The following DOCK8 variants were observed in gnomAD, a reference collection of about 807,000 sequenced individuals.
DOCK8 encodes the protein dedicator of cytokinesis protein 8.
DOCK8 carries 141 observed loss-of-function variants against 245.6 expected under a neutral mutation model. The observed-to-expected ratio is 0.57, with a 90% CI of 0.50 to 0.66. The LOEUF is 0.66. Among genes scored for constraint, DOCK8 ranks in the 30% least tolerant of loss-of-function variants. The pLI is 0.00. For synonymous variants in DOCK8, 1,168 were observed against 970.2 expected (o/e 1.20, Z -3.79); for missense variants, 2,965 against 2,603.4 (o/e 1.14, Z -3.02).
chr9:429,769 A>G lies in DOCK8; in HGVS notation c.4541A>G (p.His1514Arg), dbSNP rs766980434. The change falls in exon 36 of 48, where the codon CAC becomes CGC. Residue 1514 changes from histidine (H) to arginine (R), a missense_variant. This residue lies in a region of DOCK8 where 2,825 missense variants were observed against 2,453.5 expected (regional missense o/e 1.15). Coordinates refer to ENST00000432829, the MANE Select transcript of DOCK8 (RefSeq NM_203447.4). ...CFDLCHQVLH[H>R]CSSSMDVTRS... Reference sequence around the variant, plus strand: ...GACCTATGTCACCAAGTCCTGCACCACTGCAGCAGCAGCATGGATGTCACC... The same window carrying G: ...GACCTATGTCACCAAGTCCTGCACCGCTGCAGCAGCAGCATGGATGTCACC... 1.9e-6 allele frequency: 3 copies of G among 1,614,184 alleles called. No individual in the cohort carries two copies. Among genetic ancestry groups the G allele is most frequent in the Non-Finnish European group, 2.5e-6 (3 of 1,180,040 alleles).
At chr9:441,725 C>A in intron 41 of DOCK8, 150 bp from the exon 42 acceptor site, 1 of 1,005,228 alleles carries the variant, frequency 9.9e-7, no homozygotes, top group Non-Finnish European at 1.5e-6. Flanking sequence ...ATTCCATAAG[C>A]ATTAAATTTT....
At chr9:457,743 G>T (rs111381216) in intron 46 of DOCK8, among the ~76,000 whole-genome samples, 25 of 152,164 alleles carry the variant, frequency 1.6e-4, no homozygotes, top group African/African-American at 6.0e-4. Flanking sequence ...TTCTCATATT[G>T]TACAAATAGT....
chr9:464,150 T>A lies in DOCK8; in HGVS notation c.6240-9T>A. The A allele has an allele frequency of 6.2e-7, 1 of 1,611,434 alleles. No individual in the cohort carries two copies. The highest frequency in any genetic ancestry group is 1.1e-5 in the South Asian group (1 of 91,030). ...TTTCCCTCTCCTCCCTCTCTTTTCT[T>A]AATTTCAGGGACTCCTTCCACAGAT... On this transcript the variant is annotated splice_polypyrimidine_tract_variant and intron_variant, in intron 47 of 47. Transcript: ENST00000432829.
chr9:342,153 G>GC (rs1327328601), intron 14 of DOCK8, among the ~76,000 whole-genome samples: 2 of 152,022 alleles, frequency 1.3e-5, no homozygotes, highest in East Asian at 3.9e-4. Context: ...ACCATCCCCT[G>GC]CCCCCCGCTG....
At chr9:367,981 G>T in intron 14 of DOCK8, 37 bp from the exon 15 acceptor site, 1 of 1,529,192 alleles carries the variant, frequency 6.5e-7, no homozygotes, top group South Asian at 1.1e-5. Flanking sequence ...ATAAACTCTA[G>T]ACCTTTTTCA....
chr9:420,972 C>T lies in DOCK8; in HGVS notation c.4047C>T (p.Val1349=), dbSNP rs924895553. The T allele has an allele frequency of 1.2e-6, 2 of 1,614,202 alleles. No individual in the cohort carries two copies. Among genetic ancestry groups the T allele is most frequent in the Non-Finnish European group, 1.7e-6 (2 of 1,180,034 alleles). ...EYKGKQSSDK[V]STQVLQKSRD... ...AGGGAAAACAGAGTTCTGACAAAGTCAGTACCCAAGTCCTGCAGAAGTCAA... is the reference window on the plus strand; with the variant it reads ...AGGGAAAACAGAGTTCTGACAAAGTTAGTACCCAAGTCCTGCAGAAGTCAA... The change falls in exon 32 of 48, where the codon GTC becomes GTT. Residue 1349 remains valine, a synonymous_variant. Coordinates refer to ENST00000432829, the MANE Select transcript of DOCK8 (RefSeq NM_203447.4).
At chr9:235,693 C>T (rs1057447732) in intron 1 of DOCK8, among the ~76,000 whole-genome samples, 1 of 152,212 alleles carries the variant, frequency 6.6e-6, no homozygotes, top group African/African-American at 2.4e-5. Context: ...GGGCATAGGA[C>T]CCTCTGAGCC....
intron 46 of DOCK8, 52 bp downstream of exon 46, chr9:452,169 C>A: frequency 8.4e-7 from 1 of 1,193,334 alleles, no homozygotes; most frequent in Non-Finnish European, 1.2e-6. Flanking sequence ...TCTCAAAGTG[C>A]AATCTTAGAC....
chr9:401,237 C>T (rs528487238), intron 26 of DOCK8, among the ~76,000 whole-genome samples: 8 of 152,248 alleles, frequency 5.3e-5, no homozygotes, highest in Middle Eastern at 3.4e-3. Flanking sequence ...GGCTGATCAA[C>T]GAAAAGGATA....
Position 414,840 on chromosome 9 carries a change from G to T in DOCK8, c.3589G>T (p.Asp1197Tyr), listed in dbSNP as rs1030132063. 4.3e-6 allele frequency: 7 copies of T among 1,614,024 alleles called. No individual in the cohort carries two copies. The highest frequency in any genetic ancestry group is 5.9e-6 in the Non-Finnish European group (7 of 1,180,032). Residue 1197 changes from aspartate (D) to tyrosine (Y), a missense_variant, in exon 29 of 48, where the codon GAC becomes TAC. By Grantham distance (160) the Asp-to-Tyr change is radical. Around this residue, in one of 3 missense-constraint regions of DOCK8, gnomAD observed 2,825 missense variants for 2,453.5 expected, o/e 1.15. Transcript: ENST00000432829. ...AATTCACAGCCTGCTAAGTTCTCAC[G>T]ACCTGGACCCACGCTGTGTCAAACC... ...SAIHSLLSSH[D>Y]LDPRCVKPEV... is the part of the protein sequence containing the mutation.
At chr9:364,928 T>A (rs558861725) in intron 14 of DOCK8, among the ~76,000 whole-genome samples, 1 of 152,148 alleles carries the variant, frequency 6.6e-6, no homozygotes, top group Non-Finnish European at 1.5e-5. Flanking sequence ...TCAGAAGATA[T>A]GACACATGAG....
rs1056951278 is a variant in DOCK8 at position 215,042 on chromosome 9, C to T, written c.53+13C>T. 1 of 1,570,884 alleles carries T rather than the reference C, an allele frequency of 6.4e-7. No individual in the cohort carries two copies. The highest frequency in any genetic ancestry group is 8.6e-7 in the Non-Finnish European group (1 of 1,166,308). ...TCAAGATCAACAGGTAAGACGCCCC[C>T]CGCGGCGCGCAGGTTGCGGCCGGAC... is the stretch of plus-strand genomic sequence containing the variant. On this transcript the variant is annotated intron_variant, in intron 1 of 47. Transcript: ENST00000432829.
intron 14 of DOCK8, among the ~76,000 whole-genome samples, chr9:361,259 T>TA (rs1423672768): frequency 3.3e-5 from 5 of 152,092 alleles, no homozygotes; most frequent in Admixed American, 6.5e-5. Flanking sequence ...CAGAGAGACT[T>TA]ACACAAATTA....
intron 36 of DOCK8, among the ~76,000 whole-genome samples, chr9:431,539 C>T (rs1438089094): frequency 2.0e-5 from 3 of 151,954 alleles, no homozygotes; most frequent in Admixed American, 6.5e-5. Context: ...GACAGGGTCT[C>T]GCTCTGTCAC....
upstream of DOCK8, chr9:214,635 G>C: frequency 1.2e-6 from 2 of 1,612,500 alleles, no homozygotes; most frequent in Non-Finnish European, 1.7e-6. Flanking sequence ...GTGGTCGCCT[G>C]TCGTCCGCCC....
intron 29 of DOCK8, among the ~76,000 whole-genome samples, chr9:417,460 A>G (rs1049203783): frequency 3.3e-5 from 5 of 152,214 alleles, no homozygotes; most frequent in Admixed American, 2.0e-4. Flanking sequence ...TCAGTTGTGA[A>G]TGTTTTACCA....
chr9:445,886 T>G lies in DOCK8; in HGVS notation c.5581-484T>G, dbSNP rs1034854492. Among the ~76,000 whole-genome samples the G allele has an allele frequency of 5.3e-5, 8 of 152,338 alleles. No individual in the cohort carries two copies. The South Asian group carries it at 6.2e-4, about 12-fold the overall frequency. ...TTAACTGCATAAGAGACCGCCAGCT[T>G]CTTCTGCAAAGTAGCTGTGCATTTT... is the stretch of plus-strand genomic sequence containing the variant. On this transcript the variant is annotated intron_variant, in intron 43 of 47. Transcript: ENST00000432829.
intron 24 of DOCK8, among the ~76,000 whole-genome samples, chr9:394,703 A>G (rs368724427): frequency 6.6e-6 from 1 of 152,250 alleles, no homozygotes; most frequent in Non-Finnish European, 1.5e-5. Context: ...GAAGTTCCAC[A>G]TTAAGGGGTT....
intron 1 of DOCK8, among the ~76,000 whole-genome samples, chr9:238,566 A>G (rs958098764): frequency 2.0e-5 from 3 of 152,220 alleles, no homozygotes; most frequent in African/African-American, 4.8e-5. Context: ...CAGAGGTTAT[A>G]TGGTAAGTCC....
Sources: gnomAD v4.1 joint callset for allele counts (sites outside exome capture counted in the v4.1 genomes callset) on GRCh38, gnomAD v4.1.1 for gene constraint, gnomAD v4.1.1 regional missense constraint, MANE v1.5 for transcripts, NCBI Gene and HGNC (gene_info 2026-07-23, HGNC 2026-07-21) for gene names.